Variants in PLPP4 observed in about 807,000 individuals in gnomAD.
The protein encoded by PLPP4 is phospholipid phosphatase 4.
In PLPP4, 20 loss-of-function variants were observed where a neutral mutation model predicts 32.2. The ratio of observed to expected loss-of-function variants is 0.62; its 90% CI spans 0.44 to 0.90. The LOEUF (loss-of-function observed/expected upper bound fraction) is 0.90, where lower values mean the gene tolerates loss of function less well. Ranked by LOEUF, PLPP4 falls within the 40% of genes least tolerant of loss-of-function variation. The pLI, the probability that PLPP4 is intolerant of heterozygous loss-of-function variation, is 0.00. For missense variants in PLPP4, 257 were observed against 353.1 expected, an observed-to-expected ratio of 0.73 and a Z score of 2.18; for synonymous variants, 127 against 133.0, an observed-to-expected ratio of 0.95 and a Z score of 0.31.
chr10:120,566,277 A>G (rs1650459646), intron 5 of PLPP4, among the ~76,000 whole-genome samples: 1 of 152,002 alleles, frequency 6.6e-6, no homozygotes, highest in Non-Finnish European at 1.5e-5. Flanking sequence ...TATTTTTTGG[A>G]AATACTTTGA....
At chr10:120,525,898 G>T (rs1035917411) in intron 5 of PLPP4, among the ~76,000 whole-genome samples, 1 of 152,050 alleles carries the variant, frequency 6.6e-6, no homozygotes, top group African/African-American at 2.4e-5. Context: ...GTACCTTACC[G>T]GGATTTGTTT....
chr10:120,495,396 C>G (rs1256063892), intron 1 of PLPP4, among the ~76,000 whole-genome samples: 2 of 152,218 alleles, frequency 1.3e-5, no homozygotes, highest in Admixed American at 6.5e-5. Flanking sequence ...TATAACCACA[C>G]CCACCCCTTG....
chr10:120,495,159 A>G (rs1844904575), intron 1 of PLPP4, among the ~76,000 whole-genome samples: 1 of 152,184 alleles, frequency 6.6e-6, no homozygotes, highest in African/African-American at 2.4e-5. Flanking sequence ...GAATAATGGT[A>G]ATTCCTGCCT....
intron 5 of PLPP4, among the ~76,000 whole-genome samples, chr10:120,566,491 C>T (rs1848696282): frequency 6.6e-6 from 1 of 151,932 alleles, no homozygotes; most frequent in Non-Finnish European, 1.5e-5. Flanking sequence ...TGGAGACAGG[C>T]AGGTGTCCTT....
chr10:120,463,824 T>G (rs927568915), intron 1 of PLPP4, among the ~76,000 whole-genome samples: 11 of 152,154 alleles, frequency 7.2e-5, no homozygotes, highest in African/African-American at 1.9e-4. Flanking sequence ...TTCTTTTTTT[T>G]TGTATATATA....
intron 2 of PLPP4, among the ~76,000 whole-genome samples, chr10:120,505,211 C>T (rs1845440271): frequency 6.6e-6 from 1 of 152,202 alleles, no homozygotes; most frequent in Non-Finnish European, 1.5e-5. Context: ...GAGCACAGCA[C>T]CAGGTTCTAG....
At chr10:120,580,317 C>T (rs1026460463) in intron 6 of PLPP4, among the ~76,000 whole-genome samples, 3 of 152,078 alleles carry the variant, frequency 2.0e-5, no homozygotes, top group African/African-American at 7.2e-5. Context: ...AACCAGAGTG[C>T]TGCCTTCCTT....
intron 1 of PLPP4, among the ~76,000 whole-genome samples, chr10:120,497,771 C>T (rs1027682091): frequency 1.3e-5 from 2 of 152,030 alleles, no homozygotes; most frequent in African/African-American, 2.4e-5. Flanking sequence ...CCAGGGGCGG[C>T]GGCTCACACC....
intron 1 of PLPP4, among the ~76,000 whole-genome samples, chr10:120,498,394 A>C (rs1845070390): frequency 6.6e-6 from 1 of 152,208 alleles, no homozygotes; most frequent in African/African-American, 2.4e-5. Flanking sequence ...ATTCACACCT[A>C]TACAGTGTCA....
chr10:120,564,693 T>G (rs1478783819), intron 5 of PLPP4, among the ~76,000 whole-genome samples: 1 of 151,912 alleles, frequency 6.6e-6, no homozygotes, highest in Admixed American at 6.6e-5. Flanking sequence ...TATTATACCT[T>G]CTACTACCTG....
At chr10:120,569,746 A>G (rs1395199169) in intron 5 of PLPP4, among the ~76,000 whole-genome samples, 1 of 152,220 alleles carries the variant, frequency 6.6e-6, no homozygotes, top group Non-Finnish European at 1.5e-5. Context: ...GGGTCCAGGT[A>G]TATTTGTAAA....
chr10:120,509,833 C>T (rs764486544), intron 2 of PLPP4, among the ~76,000 whole-genome samples: 1 of 152,186 alleles, frequency 6.6e-6, no homozygotes, highest in Non-Finnish European at 1.5e-5. Context: ...TATCTATGAC[C>T]TGGAAACAAG....
intron 5 of PLPP4, among the ~76,000 whole-genome samples, chr10:120,573,589 C>T (rs1228681205): frequency 6.6e-6 from 1 of 152,190 alleles, no homozygotes. Context: ...GGAAATGTCA[C>T]AGCTTGGTTA....
chr10:120,565,503 T>C (rs749912701), intron 5 of PLPP4, among the ~76,000 whole-genome samples: 3 of 152,224 alleles, frequency 2.0e-5, no homozygotes, highest in Non-Finnish European at 2.9e-5. Flanking sequence ...GGCTTCTAGC[T>C]TTGATTTTTT....
chr10:120,589,082 G>C (rs11199422), intron 6 of PLPP4, among the ~76,000 whole-genome samples: 1 of 151,740 alleles, frequency 6.6e-6, no homozygotes, highest in Non-Finnish European at 1.5e-5. Context: ...ACAAAAAACC[G>C]GGAAGAAAGA....
At chr10:120,527,443 A>G (rs905378871) in intron 5 of PLPP4, among the ~76,000 whole-genome samples, 3 of 152,124 alleles carry the variant, frequency 2.0e-5, no homozygotes, top group African/African-American at 4.8e-5. Flanking sequence ...GTAATAAATA[A>G]TACCCTCCAT....
Position 120,457,251 on chromosome 10 carries a change from T to TGCGGGAGCC in PLPP4, c.-50_-42dup. ...TCTGGCGAGCCGGCGCCGGCCGAGC[T>TGCGGGAGCC]GCGGGAGCCGCGGAGAGCACCAGCT... is the stretch of plus-strand genomic sequence containing the variant. On this transcript the variant is annotated 5_prime_UTR_variant, in exon 1 of 7. Coordinates refer to ENST00000398250, the MANE Select transcript of PLPP4 (RefSeq NM_001030059.3). The TGCGGGAGCC allele has an allele frequency of 7.2e-7, 1 of 1,390,848 alleles. No homozygotes were observed. Among genetic ancestry groups the TGCGGGAGCC allele is most frequent in the Non-Finnish European group, 9.5e-7 (1 of 1,054,500 alleles). 86.2% of individuals were successfully genotyped at this position (1,390,848 alleles called of 1,614,324 possible). A position where few individuals can be genotyped will look rare whatever the true frequency, so the allele number is the denominator to read the frequency against.
chr10:120,565,108 C>T lies in PLPP4; in HGVS notation c.446-10023C>T, dbSNP rs185904809. On this transcript the variant is annotated intron_variant, in intron 5 of 6. Coordinates refer to ENST00000398250, the MANE Select transcript of PLPP4 (RefSeq NM_001030059.3). ...GAACATTAAATGCTTTAACTCTGAT[C>T]GATAATATGTTCTAACCTATTTGAC... Among the ~76,000 whole-genome samples, 190 of 152,244 alleles carry T rather than the reference C, an allele frequency of 1.2e-3. 3 individuals are homozygous for T. Among genetic ancestry groups the T allele is most frequent in the African/African-American group, 4.2e-3 (176 of 41,540 alleles).
intron 1 of PLPP4, among the ~76,000 whole-genome samples, chr10:120,500,209 A>G (rs1031775962): frequency 6.6e-6 from 1 of 152,152 alleles, no homozygotes; most frequent in East Asian, 1.9e-4. Context: ...AAAAATTGCC[A>G]CGAGGATAAT....
Sources: allele counts gnomAD v4.1 joint callset (sites outside exome capture counted in the v4.1 genomes callset), GRCh38; gene constraint gnomAD v4.1.1; transcripts MANE v1.5; gene names NCBI Gene and HGNC (gene_info 2026-07-23, HGNC 2026-07-21).